Variants in PPFIA2 observed in about 807,000 individuals in gnomAD.
The protein encoded by PPFIA2 is liprin-alpha-2.
A neutral mutation model predicts 175.5 loss-of-function variants in PPFIA2; 46 were observed. The ratio of observed to expected loss-of-function variants is 0.26; its 90% confidence interval spans 0.21 to 0.34. The LOEUF (loss-of-function observed/expected upper bound fraction) is 0.34. PPFIA2 is among the 10% of genes least tolerant of loss of function. The pLI, the probability that PPFIA2 is intolerant of heterozygous loss-of-function variation, is 1.00. For synonymous variants in PPFIA2, 568 were observed against 511.4 expected, an observed-to-expected ratio of 1.11 and a Z score of -1.49; for missense variants, 1,179 against 1,506.1, an observed-to-expected ratio of 0.78 and a Z score of 3.60.
At chr12:81,668,499 G>A (rs1200100715) in intron 4 of PPFIA2, among the ~76,000 whole-genome samples, 1 of 152,030 alleles carries the variant, frequency 6.6e-6, no homozygotes, top group East Asian at 1.9e-4. Context: ...ACCCATGGAA[G>A]TACTTGATAT....
chr12:81,344,345 T>C (rs1305823831), intron 19 of PPFIA2, among the ~76,000 whole-genome samples: 1 of 149,538 alleles, frequency 6.7e-6, no homozygotes, highest in Non-Finnish European at 1.5e-5. Context: ...TATTAAATAT[T>C]AAAACATTTG....
At chr12:81,440,808 G>GATATATATATATATATATA (rs1566841722) in intron 6 of PPFIA2, among the ~76,000 whole-genome samples, 72 of 144,818 alleles carry the variant, frequency 5.0e-4, no homozygotes, top group Non-Finnish European at 7.2e-4. Flanking sequence ...CTATATATAT[G>GATATATATATATATATATA]TCCTGATATA....
chr12:81,750,168 T>C (rs1361188196), intron 3 of PPFIA2, among the ~76,000 whole-genome samples: 1 of 143,390 alleles, frequency 7.0e-6, no homozygotes, highest in African/African-American at 2.4e-5. Flanking sequence ...GACAAAGACA[T>C]TGAGGAAAAA....
chr12:81,272,035 G>A (rs2039265086), intron 28 of PPFIA2, among the ~76,000 whole-genome samples: 1 of 151,890 alleles, frequency 6.6e-6, no homozygotes, highest in Non-Finnish European at 1.5e-5. Context: ...GCATTTTAAG[G>A]TAATAATTCC....
chr12:81,719,640 C>A (rs1025872057), intron 3 of PPFIA2, among the ~76,000 whole-genome samples: 2 of 151,460 alleles, frequency 1.3e-5, no homozygotes, highest in African/African-American at 4.8e-5. Context: ...CTTTATATAT[C>A]TTAGTTTAAT....
Position 81,283,143 on chromosome 12 carries a change from T to C in PPFIA2, c.2989-104A>G, listed in dbSNP as rs1303188582. 5.6e-6 allele frequency: 6 copies of C among 1,071,536 alleles called. No homozygotes were observed. In the Admixed American group the frequency reaches 1.2e-4, roughly 22 times the overall value. The allele number at this position is 1,071,536 out of a possible 1,614,324, so 66.4% of individuals were successfully genotyped here. A position where few individuals can be genotyped will look rare whatever the true frequency, so the allele number is the denominator to read the frequency against. ...GCAGAAGCAAAATTGTTATACAAAA[T>C]ATTTTGTATAACAGGTAGAATAAAC... is the stretch of plus-strand genomic sequence containing the variant. On this transcript the variant is annotated intron_variant, in intron 25 of 32. Coordinates refer to ENST00000549396, the MANE Select transcript of PPFIA2 (RefSeq NM_003625.5).
At chr12:81,378,957 C>T (rs1337161606) in intron 9 of PPFIA2, among the ~76,000 whole-genome samples, 1 of 152,054 alleles carries the variant, frequency 6.6e-6, no homozygotes, top group Non-Finnish European at 1.5e-5. Flanking sequence ...TGTATGGTGT[C>T]TCATGCAGAA....
chr12:81,420,498 T>A (rs2046051702), intron 7 of PPFIA2, among the ~76,000 whole-genome samples: 1 of 151,856 alleles, frequency 6.6e-6, no homozygotes, highest in Non-Finnish European at 1.5e-5. Context: ...AAAAAGAGTC[T>A]AACAGAAGTT....
chr12:81,702,735 C>G lies in PPFIA2; in HGVS notation c.250-25891G>C, dbSNP rs1019550935. Among the ~76,000 whole-genome samples, 8 of 152,050 alleles carry G rather than the reference C, an allele frequency of 5.3e-5. No individual in the cohort carries two copies. In the East Asian group the frequency reaches 1.5e-3, roughly 29 times the overall value. ...TGCCCTAAAAATTCATATTTTGAACCCCTAAATCCCAATGCGATCATATTA... is the reference window on the plus strand; with the variant it reads ...TGCCCTAAAAATTCATATTTTGAACGCCTAAATCCCAATGCGATCATATTA... On this transcript the variant is annotated intron_variant, in intron 3 of 32. Transcript: ENST00000549396.
At chr12:81,622,869 G>A (rs1314328477) in intron 4 of PPFIA2, among the ~76,000 whole-genome samples, 1 of 152,056 alleles carries the variant, frequency 6.6e-6, no homozygotes. Context: ...GAGTCCTTTA[G>A]CAACAATTTG....
At chr12:81,658,852 T>A (rs2068258172) in intron 4 of PPFIA2, among the ~76,000 whole-genome samples, 1 of 152,124 alleles carries the variant, frequency 6.6e-6, no homozygotes, top group Non-Finnish European at 1.5e-5. Context: ...ATTTCTATGG[T>A]TAAAATGATA....
intron 9 of PPFIA2, among the ~76,000 whole-genome samples, chr12:81,381,843 C>T (rs1310969434): frequency 2.0e-5 from 3 of 151,980 alleles, no homozygotes; most frequent in Non-Finnish European, 4.4e-5. Context: ...TGTCGTAGTA[C>T]ATATTCTGAT....
Position 81,679,791 on chromosome 12 carries a change from T to G in PPFIA2, c.250-2947A>C, listed in dbSNP as rs946797639. 3.9e-5 allele frequency among the ~76,000 whole-genome samples: 6 copies of G among 152,114 alleles called. No individual in the cohort carries two copies. In the East Asian group the frequency reaches 1.2e-3, roughly 30 times the overall value. On this transcript the variant is annotated intron_variant, in intron 3 of 32. Coordinates refer to ENST00000549396, the MANE Select transcript of PPFIA2 (RefSeq NM_003625.5). ...GTCCTACTTGGAGAGAGGTCCAAGT[T>G]AAACACGGCTTATCAGTTCATGCAA... is the stretch of plus-strand genomic sequence containing the variant.
intron 22 of PPFIA2, among the ~76,000 whole-genome samples, chr12:81,323,486 G>A (rs117357140): frequency 0.014 from 2,048 of 151,636 alleles, 47 homozygotes; most frequent in East Asian, 0.048. Flanking sequence ...TTTTCATCCT[G>A]ATAGAAGACT....
chr12:81,693,652 T>C (rs2075528644), intron 3 of PPFIA2, among the ~76,000 whole-genome samples: 1 of 152,050 alleles, frequency 6.6e-6, no homozygotes, highest in Admixed American at 6.6e-5. Flanking sequence ...CCTAAAAATG[T>C]GGAAGTGACT....
chr12:81,706,643 C>T lies in PPFIA2; in HGVS notation c.250-29799G>A, dbSNP rs187253007. 1.3e-4 allele frequency among the ~76,000 whole-genome samples: 20 copies of T among 152,208 alleles called. 1 individual carries two copies. Among genetic ancestry groups the T allele is most frequent in the Admixed American group, 5.9e-4 (9 of 15,284 alleles). On this transcript the variant is annotated intron_variant, in intron 3 of 32. Coordinates refer to ENST00000549396, the MANE Select transcript of PPFIA2 (RefSeq NM_003625.5). ...GTGTGAGGTGTCAGTCTGCCCCTAC[C>T]GGGGGGTGCCTCCCAGTTAGGCTGC...
chr12:81,414,489 A>G (rs2044582175), intron 7 of PPFIA2, among the ~76,000 whole-genome samples: 1 of 151,770 alleles, frequency 6.6e-6, no homozygotes, highest in Non-Finnish European at 1.5e-5. Flanking sequence ...CTACATCTAC[A>G]TAAAATCTTT....
intron 24 of PPFIA2, among the ~76,000 whole-genome samples, chr12:81,288,029 T>C (rs1175842589): frequency 6.6e-6 from 1 of 151,848 alleles, no homozygotes; most frequent in African/African-American, 2.4e-5. Flanking sequence ...GTGGCTAATA[T>C]CATCTGAGTC....
chr12:81,300,523 C>G (rs866889191), intron 22 of PPFIA2, among the ~76,000 whole-genome samples: 1 of 151,848 alleles, frequency 6.6e-6, no homozygotes, highest in African/African-American at 2.4e-5. Flanking sequence ...ATAGATGCAA[C>G]CAAAAATTCA....
Sources: allele counts gnomAD v4.1 joint callset (sites outside exome capture counted in the v4.1 genomes callset), GRCh38; gene constraint gnomAD v4.1.1; transcripts MANE v1.5; gene names NCBI Gene and HGNC (gene_info 2026-07-23, HGNC 2026-07-21).